DNAJC24: variants seen among roughly 807,000 people sequenced by gnomAD.
DNAJC24 encodes the protein DnaJ heat shock protein family (Hsp40) member C24.
A neutral mutation model predicts 18.0 loss-of-function variants in DNAJC24; 17 were observed. The ratio of observed to expected loss-of-function variants is 0.94; its 90% CI spans 0.65 to 1.42. The LOEUF (loss-of-function observed/expected upper bound fraction) is 1.42. DNAJC24 is among the 40% of genes most tolerant of loss of function. The probability of loss-of-function intolerance (pLI) is 0.00; values close to 1 mark genes in which losing one functional copy is unlikely to be tolerated. For missense variants in DNAJC24, 158 were observed against 175.6 expected (o/e 0.90, Z 0.57); for synonymous variants, 55 against 57.7 (o/e 0.95, Z 0.21).
chr11:31,376,990 C>G (rs1215954224), intron 2 of DNAJC24, among the ~76,000 whole-genome samples: 1 of 151,966 alleles, frequency 6.6e-6, no homozygotes, highest in Non-Finnish European at 1.5e-5. Context: ...TTTTTAAAAA[C>G]AAAAACAGGC....
At chr11:31,408,361 G>A in intron 2 of DNAJC24, 1 of 365,770 alleles carries the variant, frequency 2.7e-6, no homozygotes, top group South Asian at 2.1e-5. Context: ...TTTGTAACAA[G>A]CTCTCAGATG....
chr11:31,377,572 A>T (rs1225584938), intron 2 of DNAJC24, among the ~76,000 whole-genome samples: 2 of 151,938 alleles, frequency 1.3e-5, no homozygotes, highest in South Asian at 2.1e-4. Context: ...GATTTTTAAA[A>T]TTTTTTTTAG....
intron 2 of DNAJC24, among the ~76,000 whole-genome samples, chr11:31,376,444 T>C (rs554162998): frequency 6.6e-6 from 1 of 152,342 alleles, no homozygotes; most frequent in South Asian, 2.1e-4. Flanking sequence ...TAATTTTGTT[T>C]AAGAAGGCTA....
chr11:31,413,741 G>A (rs1952730927), intron 2 of DNAJC24, among the ~76,000 whole-genome samples: 1 of 152,166 alleles, frequency 6.6e-6, no homozygotes, highest in African/African-American at 2.4e-5. Context: ...TTACACAAAA[G>A]AACCTGGTAA....
rs571246789 is a variant in DNAJC24 at position 31,373,882 on chromosome 11, A to G, written c.111+3023A>G. The stretch of plus-strand genomic sequence containing the variant: ...TAAATGGTATTTTAAAAAATAATTC[A>G]TTTTTCACTTGTTGATTGATAGTAT... On this transcript the variant is annotated intron_variant, in intron 2 of 4. Transcript: ENST00000465995. Among the ~76,000 whole-genome samples the G allele has an allele frequency of 1.2e-4, 16 of 134,784 alleles. 2 individuals carry two copies. Among genetic ancestry groups the G allele is most frequent in the African/African-American group, 3.5e-4 (14 of 40,398 alleles). 88.4% of individuals were successfully genotyped at this position (134,784 alleles called of 152,430 possible).
chr11:31,402,882 G>A (rs531167478), intron 2 of DNAJC24, among the ~76,000 whole-genome samples: 1 of 137,934 alleles, frequency 7.2e-6, no homozygotes, highest in East Asian at 2.1e-4. Flanking sequence ...GCATTGTACT[G>A]TGACATTATA....
At chr11:31,399,482 T>C (rs994956166) in intron 2 of DNAJC24, among the ~76,000 whole-genome samples, 13 of 150,136 alleles carry the variant, frequency 8.7e-5, no homozygotes, top group Admixed American at 3.3e-4. Context: ...TGGCACGATC[T>C]CAGCTCACTG....
chr11:31,426,351 T>C lies in DNAJC24; in HGVS notation c.315T>C (p.Asn105=). 1 of 1,532,168 alleles carries C rather than the reference T, an allele frequency of 6.5e-7. No homozygotes were observed. The highest frequency in any genetic ancestry group is 8.7e-7 in the Non-Finnish European group (1 of 1,143,838). The allele number at this position is 1,532,168 out of a possible 1,614,324, so 94.9% of individuals were successfully genotyped here. ...AQVYLEEMSW[N]EGDHSFYLSC... ...TATATCTTGAAGAAATGTCTTGGAATGAAGGTTGGATTTTTTTTTTCTCTT... is the reference window on the plus strand; with the variant it reads ...TATATCTTGAAGAAATGTCTTGGAACGAAGGTTGGATTTTTTTTTTCTCTT... Residue 105 remains asparagine (N), a synonymous_variant, in exon 4 of 5, where the codon AAT becomes AAC. Transcript: ENST00000465995.
intron 2 of DNAJC24, among the ~76,000 whole-genome samples, chr11:31,375,700 T>G (rs1952306744): frequency 7.4e-6 from 1 of 134,796 alleles, no homozygotes. Flanking sequence ...AATAGCCGGT[T>G]TATTTGTAGG....
chr11:31,417,891 CA>C (rs1297517154), intron 3 of DNAJC24, among the ~76,000 whole-genome samples: 3 of 151,954 alleles, frequency 2.0e-5, no homozygotes, highest in Non-Finnish European at 2.9e-5. Flanking sequence ...CTTTGCTTCT[CA>C]AAAGAAATGA....
In DNAJC24 at chr11:31,432,638, G is replaced by GCTAT; in HGVS notation, c.*2240_*2243dup. On this transcript the variant is annotated 3_prime_UTR_variant, in exon 5 of 5. Coordinates refer to ENST00000465995, the MANE Select transcript of DNAJC24 (RefSeq NM_181706.5). ...TTATAGTATCATCATATTCCCTTTT[G>GCTAT]CTATCTGTCCCTTTTCTCTATGCCA... 1 of 1,022,192 alleles carries GCTAT rather than the reference G, an allele frequency of 9.8e-7. No homozygotes were observed. The highest frequency in any genetic ancestry group is 1.6e-6 in the Non-Finnish European group (1 of 644,360). 63.3% of individuals were successfully genotyped at this position (1,022,192 alleles called of 1,614,324 possible). A position where few individuals can be genotyped will look rare whatever the true frequency, so the allele number is the denominator to read the frequency against.
intron 2 of DNAJC24, among the ~76,000 whole-genome samples, chr11:31,394,989 T>A (rs1170225691): frequency 6.6e-6 from 1 of 152,186 alleles, no homozygotes; most frequent in Non-Finnish European, 1.5e-5. Context: ...GTGATAAGCA[T>A]AGTACCCCCA....
chr11:31,414,950 G>A lies in DNAJC24; in HGVS notation c.250+1G>A, dbSNP rs376175939. 1.2e-6 allele frequency: 2 copies of A among 1,612,458 alleles called. No individual in the cohort carries two copies. The highest frequency in any genetic ancestry group is 2.2e-5 in the South Asian group (2 of 90,892). ...AGAGAGTATGACCTGCAGCGGTGTG[G>A]TAGGTGCTTGTGTTGAGGAGCCACA... On this transcript the variant is annotated splice_donor_variant, in intron 3 of 4. Transcript: ENST00000465995. LOFTEE classifies it high-confidence loss of function.
chr11:31,378,234 G>C (rs1952337499), intron 2 of DNAJC24, among the ~76,000 whole-genome samples: 1 of 152,006 alleles, frequency 6.6e-6, no homozygotes, highest in African/African-American at 2.4e-5. Flanking sequence ...TAAAAATCTG[G>C]AAGATATAAC....
At chr11:31,394,634 A>G (rs868033035) in intron 2 of DNAJC24, among the ~76,000 whole-genome samples, 2 of 152,114 alleles carry the variant, frequency 1.3e-5, no homozygotes, top group East Asian at 3.8e-4. Flanking sequence ...AAAGAAAAAT[A>G]TAAAATAAAA....
intron 2 of DNAJC24, among the ~76,000 whole-genome samples, chr11:31,388,082 A>C (rs1318085185): frequency 6.6e-6 from 1 of 152,132 alleles, no homozygotes; most frequent in Admixed American, 6.5e-5. Context: ...AAAGAAAAAA[A>C]AATAAAAAAA....
intron 2 of DNAJC24, among the ~76,000 whole-genome samples, chr11:31,387,888 T>C (rs1392967629): frequency 6.6e-6 from 1 of 152,076 alleles, no homozygotes; most frequent in Non-Finnish European, 1.5e-5. Flanking sequence ...CAAAATCCTA[T>C]CAAATAAATT....
At chr11:31,392,116 G>T (rs1053985720) in intron 2 of DNAJC24, among the ~76,000 whole-genome samples, 3 of 152,256 alleles carry the variant, frequency 2.0e-5, no homozygotes, top group African/African-American at 7.2e-5. Context: ...AGATAGGTGG[G>T]GGAGAGGGCA....
In DNAJC24 at chr11:31,371,417, A is replaced by C. The variant is rs12294230; in HGVS notation, c.111+558A>C. On this transcript the variant is annotated intron_variant, in intron 2 of 4. Transcript: ENST00000465995. Reference sequence around the variant, plus strand: ...ATCTGCTGATAAACTTCTTAAAAGAATTCTTGATCTCTTACCTAATTTTCA... The same window carrying C: ...ATCTGCTGATAAACTTCTTAAAAGACTTCTTGATCTCTTACCTAATTTTCA... 5.5e-3 allele frequency among the ~76,000 whole-genome samples: 835 copies of C among 152,308 alleles called. 10 individuals are homozygous for C. Among genetic ancestry groups the C allele is most frequent in the African/African-American group, 0.019 (794 of 41,566 alleles).
Sources: allele counts gnomAD v4.1 joint callset (sites outside exome capture counted in the v4.1 genomes callset), GRCh38; gene constraint gnomAD v4.1.1; transcripts MANE v1.5; gene names NCBI Gene and HGNC (gene_info 2026-07-23, HGNC 2026-07-21).